The following METTL15 variants were observed in gnomAD, a reference collection of about 807,000 sequenced individuals.
METTL15 encodes the protein methyltransferase 15, mitochondrial 12S rRNA N4-cytidine.
A neutral mutation model predicts 38.3 loss-of-function variants in METTL15; 34 were observed. That is an observed-to-expected ratio of 0.89 (90% CI 0.68 to 1.18). METTL15 has a LOEUF of 1.18. METTL15 is among the 50% of genes most tolerant of loss of function. The pLI, the probability that METTL15 is intolerant of heterozygous loss-of-function variation, is 0.00. For synonymous variants in METTL15, 162 were observed against 170.9 expected (o/e 0.95, Z 0.41); for missense variants, 438 against 498.4 (o/e 0.88, Z 1.15).
chr11:28,157,324 G>T (rs1850297372), intron 3 of METTL15, among the ~76,000 whole-genome samples: 1 of 152,190 alleles, frequency 6.6e-6, no homozygotes, highest in African/African-American at 2.4e-5. Flanking sequence ...AGAAGGTTCT[G>T]CAACAGGTCC....
At chr11:28,171,992 G>T (rs1005805288) in intron 3 of METTL15, among the ~76,000 whole-genome samples, 1 of 151,846 alleles carries the variant, frequency 6.6e-6, no homozygotes, top group African/African-American at 2.4e-5. Flanking sequence ...GAAGAGATGG[G>T]GTTCTACTAT....
chr11:28,109,768 A>T (rs1024676665), intron 1 of METTL15, among the ~76,000 whole-genome samples: 1 of 152,332 alleles, frequency 6.6e-6, no homozygotes, highest in East Asian at 1.9e-4. Flanking sequence ...AGATGTTTTC[A>T]CACCTAATCC....
chr11:28,357,039 T>A (rs1407840692), intron 4 of METTL15, among the ~76,000 whole-genome samples: 1 of 152,198 alleles, frequency 6.6e-6, no homozygotes, highest in Non-Finnish European at 1.5e-5. Context: ...CAGTTGCTAT[T>A]AACATCCTGG....
downstream of METTL15, among the ~76,000 whole-genome samples, chr11:28,338,223 GT>G (rs1284066485): frequency 3.3e-5 from 5 of 151,824 alleles, no homozygotes; most frequent in East Asian, 9.7e-4. Context: ...ACCCTTGACT[GT>G]TTTTCTTACC....
At chr11:28,131,657 C>T (rs1849342171) in intron 3 of METTL15, among the ~76,000 whole-genome samples, 1 of 151,938 alleles carries the variant, frequency 6.6e-6, no homozygotes, top group Non-Finnish European at 1.5e-5. Flanking sequence ...GTGAACATAT[C>T]CAAATGCACT....
intron 6 of METTL15, among the ~76,000 whole-genome samples, chr11:28,466,004 C>T (rs1851253658): frequency 6.6e-6 from 1 of 152,190 alleles, no homozygotes; most frequent in African/African-American, 2.4e-5. Flanking sequence ...CCCTTCTTTC[C>T]TGTATTAATT....
chr11:28,233,296 G>A (rs1853769973), intron 4 of METTL15, among the ~76,000 whole-genome samples: 2 of 152,106 alleles, frequency 1.3e-5, no homozygotes, highest in South Asian at 2.1e-4. Context: ...AGTAATCCTA[G>A]TAGAATCCTT....
intron 6 of METTL15, among the ~76,000 whole-genome samples, chr11:28,322,976 A>C (rs1455871484): frequency 6.6e-6 from 1 of 152,200 alleles, no homozygotes; most frequent in African/African-American, 2.4e-5. Flanking sequence ...GTTTTTAAAG[A>C]TAAGTAAACT....
intron 6 of METTL15, among the ~76,000 whole-genome samples, chr11:28,498,441 AG>A (rs376794870): frequency 1.3e-5 from 2 of 152,308 alleles, no homozygotes; most frequent in Non-Finnish European, 2.9e-5. Context: ...TACAGGCGTG[AG>A]CCACCGTGCC....
chr11:28,198,131 G>C (rs1447183881), intron 3 of METTL15, among the ~76,000 whole-genome samples: 1 of 152,014 alleles, frequency 6.6e-6, no homozygotes, highest in Non-Finnish European at 1.5e-5. Context: ...TGATAATGTA[G>C]ATAAAAACTA....
rs2134013586 is a variant in METTL15, at chr11:28,304,192, G to C, written c.778+7261G>C. On this transcript the variant is annotated intron_variant, in intron 6 of 6. Transcript: ENST00000407364. ...CTATTTTCCTGTCCATAACCAAACA[G>C]TGTGATTTGTGATAGATTGATCACT... Among the ~76,000 whole-genome samples the C allele has an allele frequency of 2.0e-5, 3 of 152,190 alleles. No homozygotes were observed. In the South Asian group the frequency reaches 6.2e-4, roughly 32 times the overall value.
intron 4 of METTL15, among the ~76,000 whole-genome samples, chr11:28,276,203 C>G (rs1170153301): frequency 5.3e-5 from 8 of 152,066 alleles, no homozygotes. Context: ...AAGCTAAAGA[C>G]TCTGCCAGAA....
chr11:28,330,891 T>G lies in METTL15; in HGVS notation c.*50T>G, dbSNP rs760942263. ...TTTTTTTCTCACAATTTCTCTAATC[T>G]TTACTCATGTTATGTCCCTGAATGT... On this transcript the variant is annotated 3_prime_UTR_variant, in exon 7 of 7. Transcript: ENST00000407364. 7.3e-7 allele frequency: 1 copy of G among 1,363,940 alleles called. No individual in the cohort carries two copies. The highest frequency in any genetic ancestry group is 9.9e-7 in the Non-Finnish European group (1 of 1,008,114). The allele number at this position is 1,363,940 out of a possible 1,614,324, so 84.5% of individuals were successfully genotyped here.
At chr11:28,322,391 C>A (rs1355992957) in intron 6 of METTL15, among the ~76,000 whole-genome samples, 1 of 152,080 alleles carries the variant, frequency 6.6e-6, no homozygotes, top group Non-Finnish European at 1.5e-5. Flanking sequence ...CTGGAATCAA[C>A]TGGCTATTAG....
At chr11:28,176,449 C>A (rs1851078583) in intron 3 of METTL15, among the ~76,000 whole-genome samples, 1 of 152,156 alleles carries the variant, frequency 6.6e-6, no homozygotes, top group Non-Finnish European at 1.5e-5. Flanking sequence ...ACTAGCTATG[C>A]CCTTGGGCAT....
chr11:28,262,385 CTG>C (rs1471847981), intron 4 of METTL15, among the ~76,000 whole-genome samples: 6 of 150,434 alleles, frequency 4.0e-5, no homozygotes, highest in Non-Finnish European at 8.9e-5. Flanking sequence ...TATAGTATAA[CTG>C]TATAGTATAT....
At chr11:28,467,700 C>T (rs1218816303) in intron 6 of METTL15, among the ~76,000 whole-genome samples, 1 of 152,032 alleles carries the variant, frequency 6.6e-6, no homozygotes, top group Non-Finnish European at 1.5e-5. Flanking sequence ...AAGGACCAGT[C>T]ACAAAATGGT....
At chr11:28,349,473 A>G (rs1251262519) in intron 3 of METTL15, among the ~76,000 whole-genome samples, 3 of 152,232 alleles carry the variant, frequency 2.0e-5, no homozygotes, top group Non-Finnish European at 2.9e-5. Flanking sequence ...TAGAGCTACT[A>G]ACATGTCTTT....
chr11:28,406,985 G>C (rs995814198), intron 5 of METTL15, among the ~76,000 whole-genome samples: 2 of 152,104 alleles, frequency 1.3e-5, no homozygotes, highest in South Asian at 2.1e-4. Context: ...GATGAATTAT[G>C]TTTATTGACT....
Sources: allele counts gnomAD v4.1 joint callset (sites outside exome capture counted in the v4.1 genomes callset), GRCh38; gene constraint gnomAD v4.1.1; transcripts MANE v1.5; gene names NCBI Gene and HGNC (gene_info 2026-07-23, HGNC 2026-07-21).